MAP4K3: variants seen among roughly 807,000 people sequenced by gnomAD.
The protein encoded by MAP4K3 is mitogen-activated protein kinase kinase kinase kinase 3.
Under a neutral mutation model 143.5 loss-of-function variants are expected in MAP4K3, and 94 were observed. The observed-to-expected ratio is 0.65, with a 90% CI of 0.55 to 0.78. MAP4K3 has a LOEUF of 0.78. Among genes scored for constraint, MAP4K3 ranks in the 30% least tolerant of loss-of-function variants. The pLI is 0.00. For missense variants in MAP4K3, 1,077 were observed against 1,068.1 expected, an observed-to-expected ratio of 1.01 and a Z score of -0.12; for synonymous variants, 416 against 347.2, an observed-to-expected ratio of 1.20 and a Z score of -2.20.
chr2:39,393,121 C>A (rs1484577914), intron 1 of MAP4K3, among the ~76,000 whole-genome samples: 2 of 152,208 alleles, frequency 1.3e-5, no homozygotes, highest in Non-Finnish European at 2.9e-5. Context: ...GTGTGTACAG[C>A]ATCCCTACCT....
chr2:39,320,597 T>G (rs1330039409), intron 12 of MAP4K3, among the ~76,000 whole-genome samples: 1 of 151,848 alleles, frequency 6.6e-6, no homozygotes, highest in Non-Finnish European at 1.5e-5. Flanking sequence ...CTATGTGCAC[T>G]GCCAACTTCA....
intron 16 of MAP4K3, among the ~76,000 whole-genome samples, chr2:39,295,504 A>G (rs1339273989): frequency 1.3e-5 from 2 of 152,112 alleles, no homozygotes; most frequent in Non-Finnish European, 2.9e-5. Context: ...GTGCTGCTTT[A>G]AACTATTTTA....
At chr2:39,353,736 T>TAGTAGC (rs970393769) in intron 3 of MAP4K3, among the ~76,000 whole-genome samples, 1 of 151,166 alleles carries the variant, frequency 6.6e-6, no homozygotes, top group African/African-American at 2.4e-5. Context: ...GTAGTAGTAG[T>TAGTAGC]AGCAGCAGCA....
At chr2:39,334,815 AG>A (rs1683808996) in intron 6 of MAP4K3, among the ~76,000 whole-genome samples, 1 of 152,184 alleles carries the variant, frequency 6.6e-6, no homozygotes. Context: ...TCCAAGTAGG[AG>A]GAAAAAACTT....
intron 1 of MAP4K3, among the ~76,000 whole-genome samples, chr2:39,421,311 G>A (rs577295988): frequency 3.3e-5 from 5 of 151,356 alleles, no homozygotes; most frequent in Non-Finnish European, 7.4e-5. Flanking sequence ...AAGTAAGACT[G>A]CCTGAATTCA....
chr2:39,346,583 G>C (rs1309121006), intron 3 of MAP4K3, among the ~76,000 whole-genome samples: 1 of 152,104 alleles, frequency 6.6e-6, no homozygotes, highest in Non-Finnish European at 1.5e-5. Flanking sequence ...ACTTTTTAAA[G>C]TATCCTAATT....
intron 1 of MAP4K3, among the ~76,000 whole-genome samples, chr2:39,429,433 T>C (rs191434476): frequency 8.1e-4 from 124 of 152,338 alleles, no homozygotes; most frequent in Admixed American, 2.9e-3. Flanking sequence ...GCAGGCTGTG[T>C]ATATAAAATA....
chr2:39,411,568 A>C (rs1312920814), intron 1 of MAP4K3, among the ~76,000 whole-genome samples: 1 of 152,252 alleles, frequency 6.6e-6, no homozygotes, highest in Non-Finnish European at 1.5e-5. Flanking sequence ...CTACAATGTT[A>C]CAATTCTGGA....
chr2:39,291,970 A>T (rs545478630), intron 18 of MAP4K3, among the ~76,000 whole-genome samples: 33 of 152,330 alleles, frequency 2.2e-4, no homozygotes, highest in South Asian at 2.1e-3. Flanking sequence ...ACTTTACCCA[A>T]GATCAACCTA....
intron 6 of MAP4K3, among the ~76,000 whole-genome samples, chr2:39,334,846 T>G (rs1297845141): frequency 1.3e-5 from 2 of 152,152 alleles, no homozygotes; most frequent in African/African-American, 4.8e-5. Context: ...ATATTTATCA[T>G]CTATGAATGA....
intron 26 of MAP4K3, chr2:39,271,814 C>G (rs1162932217): frequency 1.9e-5 from 3 of 155,998 alleles, no homozygotes; most frequent in Non-Finnish European, 2.8e-5. Context: ...TCAGGCTGGT[C>G]TTGAACTCCT....
chr2:39,388,873 T>A (rs1301605605), intron 1 of MAP4K3, among the ~76,000 whole-genome samples: 1 of 152,130 alleles, frequency 6.6e-6, no homozygotes, highest in Non-Finnish European at 1.5e-5. Flanking sequence ...CTTCAACCCA[T>A]ACTCCAGGAA....
At chr2:39,411,259 G>C (rs1333033255) in intron 1 of MAP4K3, among the ~76,000 whole-genome samples, 1 of 152,142 alleles carries the variant, frequency 6.6e-6, no homozygotes, top group East Asian at 1.9e-4. Context: ...AAGCCAGTAA[G>C]TTTGACTCCC....
At chr2:39,302,876 C>G (rs1230573036) in intron 15 of MAP4K3, among the ~76,000 whole-genome samples, 1 of 152,128 alleles carries the variant, frequency 6.6e-6, no homozygotes, top group African/African-American at 2.4e-5. Flanking sequence ...TTGCAAAGTC[C>G]TAATTTCAGC....
chr2:39,286,580 C>T (rs755710929), intron 21 of MAP4K3, among the ~76,000 whole-genome samples: 13 of 152,190 alleles, frequency 8.5e-5, no homozygotes, highest in Non-Finnish European at 1.5e-4. Flanking sequence ...AAGCATTTAT[C>T]TGTATAAAGA....
intron 1 of MAP4K3, among the ~76,000 whole-genome samples, chr2:39,392,098 T>C (rs552796360): frequency 7.0e-6 from 1 of 142,874 alleles, no homozygotes; most frequent in Non-Finnish European, 1.5e-5. Flanking sequence ...GGTAGGAGAA[T>C]CGCTTGAACC....
At chr2:39,277,549 T>A (rs1320740490) in intron 24 of MAP4K3, among the ~76,000 whole-genome samples, 1 of 152,130 alleles carries the variant, frequency 6.6e-6, no homozygotes, top group Non-Finnish European at 1.5e-5. Flanking sequence ...CAGTATCTGG[T>A]AATTAGAACA....
chr2:39,262,426 C>A (rs1040301952), intron 28 of MAP4K3, among the ~76,000 whole-genome samples: 9 of 152,098 alleles, frequency 5.9e-5, no homozygotes, highest in African/African-American at 2.2e-4. Flanking sequence ...TTGATAAAAT[C>A]TGTCATTTTT....
At chr2:39,266,879 T>C (rs1223878694) in intron 27 of MAP4K3, among the ~76,000 whole-genome samples, 3 of 147,640 alleles carry the variant, frequency 2.0e-5, no homozygotes, top group Non-Finnish European at 4.5e-5. Context: ...AACAGGACCC[T>C]TGGAAAACAG....
Sources: gnomAD v4.1 joint callset for allele counts (sites outside exome capture counted in the v4.1 genomes callset) on GRCh38, gnomAD v4.1.1 for gene constraint, MANE v1.5 for transcripts, NCBI Gene and HGNC (gene_info 2026-07-23, HGNC 2026-07-21) for gene names.